PTPRM: variants seen among roughly 807,000 people sequenced by gnomAD.
PTPRM encodes the protein receptor-type tyrosine-protein phosphatase mu.
A neutral mutation model predicts 186.7 loss-of-function variants in PTPRM; 47 were observed. The observed-to-expected ratio is 0.25, with a 90% confidence interval of 0.20 to 0.32. The LOEUF is 0.32. Among genes scored for constraint, PTPRM ranks in the 10% least tolerant of loss-of-function variants. The pLI is 1.00. For missense variants in PTPRM, 1,494 were observed against 1,865.0 expected (o/e 0.80, Z 3.66); for synonymous variants, 668 against 674.9 (o/e 0.99, Z 0.16).
intron 2 of PTPRM, among the ~76,000 whole-genome samples, chr18:7,801,260 A>G (rs2043953220): frequency 6.6e-6 from 1 of 152,152 alleles, no homozygotes; most frequent in Non-Finnish European, 1.5e-5. Context: ...TTCTTTATAT[A>G]CTTATTCTAT....
chr18:7,685,738 T>C (rs1392534225), intron 1 of PTPRM, among the ~76,000 whole-genome samples: 1 of 152,160 alleles, frequency 6.6e-6, no homozygotes. Context: ...GTTTGTTTGT[T>C]TTTAAGTTTA....
At chr18:8,132,588 A>G (rs931497339) in intron 13 of PTPRM, among the ~76,000 whole-genome samples, 6 of 152,172 alleles carry the variant, frequency 3.9e-5, no homozygotes, top group African/African-American at 1.4e-4. Flanking sequence ...ATTGTAATTA[A>G]TATACAGCAG....
chr18:8,123,101 C>T (rs1364926940), intron 13 of PTPRM, among the ~76,000 whole-genome samples: 3 of 152,152 alleles, frequency 2.0e-5, no homozygotes, highest in Admixed American at 6.5e-5. Context: ...CAGTAAATTA[C>T]TTCAGATTGA....
chr18:7,715,599 T>G (rs2040311309), intron 1 of PTPRM, among the ~76,000 whole-genome samples: 1 of 152,344 alleles, frequency 6.6e-6, no homozygotes, highest in East Asian at 1.9e-4. Context: ...ATTGTATATT[T>G]AGAAAACCCC....
intron 7 of PTPRM, among the ~76,000 whole-genome samples, chr18:8,022,531 T>A (rs796982856): frequency 2.6e-5 from 4 of 152,316 alleles, no homozygotes; most frequent in African/African-American, 9.6e-5. Context: ...TGAAGGGATC[T>A]CTGAAGATCA....
chr18:8,072,810 A>T (rs1329478345), intron 8 of PTPRM, among the ~76,000 whole-genome samples: 1 of 152,196 alleles, frequency 6.6e-6, no homozygotes, highest in African/African-American at 2.4e-5. Context: ...TATATCCCAG[A>T]TCCTGAATTC....
At chr18:8,116,238 A>C (rs1568366889) in intron 13 of PTPRM, among the ~76,000 whole-genome samples, 1 of 152,164 alleles carries the variant, frequency 6.6e-6, no homozygotes. Flanking sequence ...TTTCACTTAC[A>C]CTTAAGGTCT....
At chr18:7,890,025 CA>C (rs1366809439) in intron 3 of PTPRM, among the ~76,000 whole-genome samples, 10 of 152,218 alleles carry the variant, frequency 6.6e-5, no homozygotes, top group African/African-American at 2.2e-4. Context: ...TCCTGTGACA[CA>C]AGAGCATCCT....
At chr18:7,955,814 A>G (rs1238176554) in intron 7 of PTPRM, among the ~76,000 whole-genome samples, 1 of 152,168 alleles carries the variant, frequency 6.6e-6, no homozygotes, top group Non-Finnish European at 1.5e-5. Context: ...GCTCTGGAAT[A>G]ACAGATTCCA....
chr18:7,703,717 G>A (rs964345353), intron 1 of PTPRM, among the ~76,000 whole-genome samples: 1 of 152,170 alleles, frequency 6.6e-6, no homozygotes, highest in Non-Finnish European at 1.5e-5. Context: ...GTGTTGAATA[G>A]GAGTGGTGAG....
intron 29 of PTPRM, among the ~76,000 whole-genome samples, chr18:8,380,929 G>T (rs1177979538): frequency 6.6e-6 from 1 of 152,214 alleles, no homozygotes; most frequent in African/African-American, 2.4e-5. Context: ...AGATTGTCAT[G>T]CAGGGTGACA....
At chr18:7,982,175 C>T (rs746952969) in intron 7 of PTPRM, among the ~76,000 whole-genome samples, 26 of 151,856 alleles carry the variant, frequency 1.7e-4, no homozygotes, top group Non-Finnish European at 7.4e-5. Flanking sequence ...TTGTTTGGCT[C>T]TTTTGTAATA....
At chr18:7,705,333 A>G (rs997629979) in intron 1 of PTPRM, among the ~76,000 whole-genome samples, 7 of 148,400 alleles carry the variant, frequency 4.7e-5, no homozygotes, top group African/African-American at 7.6e-5. Flanking sequence ...CTATCTGTCT[A>G]TCTAGCTAGC....
intron 5 of PTPRM, among the ~76,000 whole-genome samples, chr18:7,944,309 A>G (rs534754203): frequency 2.6e-5 from 4 of 152,210 alleles, no homozygotes; most frequent in South Asian, 4.1e-4. Context: ...CATTTTCTAG[A>G]TATCTTTAGG....
intron 19 of PTPRM, among the ~76,000 whole-genome samples, chr18:8,274,314 T>A (rs2094808304): frequency 6.6e-6 from 1 of 152,242 alleles, no homozygotes; most frequent in South Asian, 2.1e-4. Context: ...CTAAATAAAA[T>A]TTTTAAATTT....
At chr18:7,979,921 CT>C (rs2082453793) in intron 7 of PTPRM, among the ~76,000 whole-genome samples, 1 of 152,174 alleles carries the variant, frequency 6.6e-6, no homozygotes, top group South Asian at 2.1e-4. Flanking sequence ...GGGTTGATCC[CT>C]CCCAGATGCC....
At chr18:8,164,256 C>G (rs1488420670) in intron 14 of PTPRM, among the ~76,000 whole-genome samples, 1 of 152,122 alleles carries the variant, frequency 6.6e-6, no homozygotes, top group African/African-American at 2.4e-5. Context: ...GCATGCAGTC[C>G]CTTTTTAAGT....
At chr18:7,601,038 G>A (rs2037388807) in intron 1 of PTPRM, among the ~76,000 whole-genome samples, 1 of 152,230 alleles carries the variant, frequency 6.6e-6, no homozygotes, top group African/African-American at 2.4e-5. Flanking sequence ...GAGCCCCTCT[G>A]TTGGTTCAAG....
intron 1 of PTPRM, among the ~76,000 whole-genome samples, chr18:7,662,000 C>G (rs1471577923): frequency 1.3e-5 from 2 of 152,210 alleles, no homozygotes; most frequent in African/African-American, 4.8e-5. Context: ...TCACTGCAGC[C>G]TTGAGTTCCT....
Sources: allele counts gnomAD v4.1 joint callset (sites outside exome capture counted in the v4.1 genomes callset), GRCh38; gene constraint gnomAD v4.1.1; transcripts MANE v1.5; gene names NCBI Gene and HGNC (gene_info 2026-07-23, HGNC 2026-07-21).